The following NCOA3 variants were observed in gnomAD, a reference collection of about 807,000 sequenced individuals.
NCOA3 encodes CBP-interacting protein.
Under a neutral mutation model 158.8 loss-of-function variants are expected in NCOA3, and 51 were observed. That is an observed-to-expected ratio of 0.32 (90% CI 0.26 to 0.41). NCOA3 has a LOEUF of 0.41. Ranked by LOEUF, NCOA3 falls within the 10% of genes least tolerant of loss-of-function variation. The pLI, the probability that NCOA3 is intolerant of heterozygous loss-of-function variation, is 1.00. For synonymous variants in NCOA3, 537 were observed against 592.4 expected (o/e 0.91, Z 1.36); for missense variants, 1,510 against 1,746.6 (o/e 0.86, Z 2.41).
At chr20:47,567,170 C>T (rs867125458) in intron 1 of NCOA3, among the ~76,000 whole-genome samples, 53 of 151,842 alleles carry the variant, frequency 3.5e-4, no homozygotes, top group Middle Eastern at 6.9e-3. Context: ...GCCTCAGCCT[C>T]CCGAGTAGCT....
intron 1 of NCOA3, among the ~76,000 whole-genome samples, chr20:47,533,157 C>G (rs2084574544): frequency 6.8e-6 from 1 of 147,740 alleles, no homozygotes; most frequent in Non-Finnish European, 1.5e-5. Context: ...GTGGCAGGCA[C>G]CTCTGTAATC....
chr20:47,616,690 C>A (rs1430698019), intron 2 of NCOA3, among the ~76,000 whole-genome samples: 3 of 152,126 alleles, frequency 2.0e-5, no homozygotes. Context: ...AGAAGTTCTT[C>A]CTTCCAGTTC....
intron 19 of NCOA3, among the ~76,000 whole-genome samples, chr20:47,649,400 G>T (rs1021871874): frequency 1.3e-5 from 2 of 152,146 alleles, no homozygotes; most frequent in Non-Finnish European, 2.9e-5. Context: ...TCACTTGGCT[G>T]TTTAGGAATT....
At chr20:47,574,507 C>T (rs1211363728) in intron 1 of NCOA3, among the ~76,000 whole-genome samples, 34 of 148,770 alleles carry the variant, frequency 2.3e-4, no homozygotes, top group Non-Finnish European at 2.8e-4. Context: ...TTTTTTAGCA[C>T]AGAGGCATAG....
At chr20:47,618,851 C>A (rs139374799) in intron 2 of NCOA3, among the ~76,000 whole-genome samples, 101 of 152,330 alleles carry the variant, frequency 6.6e-4, no homozygotes, top group African/African-American at 2.3e-3. Context: ...CACAAATGAT[C>A]TGCATTTCTG....
intron 1 of NCOA3, among the ~76,000 whole-genome samples, chr20:47,572,079 A>T (rs1289252407): frequency 1.3e-5 from 2 of 152,120 alleles, no homozygotes; most frequent in African/African-American, 4.8e-5. Flanking sequence ...CTCATGAAGC[A>T]ACCTCTTCTA....
chr20:47,628,409 CTTT>C (rs72374784), intron 8 of NCOA3: 54 of 139,106 alleles, frequency 3.9e-4, no homozygotes, highest in South Asian at 1.5e-3. Context: ...GGAGTAATTC[CTTT>C]TTTTTTTTTT....
chr20:47,571,852 T>C (rs1301913068), intron 1 of NCOA3, among the ~76,000 whole-genome samples: 26 of 151,448 alleles, frequency 1.7e-4, no homozygotes, highest in Admixed American at 1.7e-3. Context: ...CTCAGCCTCC[T>C]GAGTAGCTGG....
intron 1 of NCOA3, among the ~76,000 whole-genome samples, chr20:47,526,136 G>T (rs2084442716): frequency 6.6e-6 from 1 of 150,510 alleles, no homozygotes; most frequent in Admixed American, 6.6e-5. Context: ...CGGCAGGGCA[G>T]AGGTGCTCCC....
At position 47,649,098 on chromosome 20, in the gene NCOA3, G is replaced by C. The variant is rs749286033; in HGVS notation, c.3640G>C (p.Val1214Leu). The C allele has an allele frequency of 1.9e-6, 3 of 1,612,752 alleles. No homozygotes were observed. Among genetic ancestry groups the C allele is most frequent in the Middle Eastern group, 1.7e-4 (1 of 6,026 alleles). ...GATGAGGCCTATGATGCAGCCCCAG[G>C]TGAGCTCCCAGGTGAGGATGATAAG... Reference protein sequence around the residue: ...AVMRPMMQPQVSSQQGFLNAQ... With the variant: ...AVMRPMMQPQLSSQQGFLNAQ... Residue 1214 changes from valine (V) to leucine (L), a missense_variant, in exon 19 of 23, where the codon GTG becomes CTG. Val to Leu is a conservative substitution (Grantham distance 32). Around this residue, in one of 4 missense-constraint regions of NCOA3, gnomAD observed 1,017 missense variants for 1,098.3 expected, o/e 0.93. Transcript: ENST00000371998.
intron 16 of NCOA3, among the ~76,000 whole-genome samples, chr20:47,640,544 G>A (rs1167163281): frequency 6.6e-6 from 1 of 152,100 alleles, no homozygotes; most frequent in African/African-American, 2.4e-5. Context: ...TTTCAGTGAT[G>A]ATAGTGAAAT....
chr20:47,639,839 C>G lies in NCOA3; in HGVS notation c.2953+17C>G, dbSNP rs370734465. ...TTCAAATGAGTAAGTGTCCACCCTC[C>G]CCTCTTCATGAAAAAAGAAAGTTAG... On this transcript the variant is annotated intron_variant, in intron 15 of 22. Transcript: ENST00000371998. 6.2e-7 allele frequency: 1 copy of G among 1,612,728 alleles called. No individual in the cohort carries two copies. Among genetic ancestry groups the G allele is most frequent in the Non-Finnish European group, 8.5e-7 (1 of 1,178,874 alleles).
intron 3 of NCOA3, chr20:47,622,949 T>A (rs182765670): frequency 6.6e-6 from 1 of 152,370 alleles, no homozygotes; most frequent in East Asian, 1.9e-4. Flanking sequence ...ACTTCTTTTG[T>A]GGATCTTCAG....
chr20:47,560,129 G>C (rs1023771196), intron 1 of NCOA3, among the ~76,000 whole-genome samples: 17 of 152,116 alleles, frequency 1.1e-4, no homozygotes, highest in Admixed American at 1.1e-3. Flanking sequence ...GCCCAGGCTA[G>C]AGTGCTGTGG....
chr20:47,582,389 T>C (rs1037133398), intron 1 of NCOA3, among the ~76,000 whole-genome samples: 5 of 152,158 alleles, frequency 3.3e-5, no homozygotes, highest in African/African-American at 1.2e-4. Flanking sequence ...TTTTTTGTAT[T>C]TTTAGTAGAT....
At chr20:47,555,862 T>A (rs1486316044) in intron 1 of NCOA3, among the ~76,000 whole-genome samples, 1 of 151,254 alleles carries the variant, frequency 6.6e-6, no homozygotes, top group African/African-American at 2.4e-5. Flanking sequence ...CAGGATGGTC[T>A]CGATCTCCTG....
chr20:47,621,119 C>A (rs6012225), intron 2 of NCOA3, among the ~76,000 whole-genome samples: 1 of 152,158 alleles, frequency 6.6e-6, no homozygotes, highest in African/African-American at 2.4e-5. Flanking sequence ...TTCCATTTTA[C>A]AACCAAAGTT....
At chr20:47,553,064 G>A (rs1160096582) in intron 1 of NCOA3, among the ~76,000 whole-genome samples, 1 of 151,948 alleles carries the variant, frequency 6.6e-6, no homozygotes, top group East Asian at 1.9e-4. Flanking sequence ...CTCCCGGGTA[G>A]CTGGGACTAC....
chr20:47,549,846 G>A (rs1046482538), intron 1 of NCOA3, among the ~76,000 whole-genome samples: 2 of 151,952 alleles, frequency 1.3e-5, no homozygotes, highest in Non-Finnish European at 2.9e-5. Context: ...GACTACAGGC[G>A]CACGCCACCA....
Sources: gnomAD v4.1 joint callset for allele counts (sites outside exome capture counted in the v4.1 genomes callset) on GRCh38, gnomAD v4.1.1 for gene constraint, gnomAD v4.1.1 regional missense constraint, MANE v1.5 for transcripts, NCBI Gene and HGNC (gene_info 2026-07-23, HGNC 2026-07-21) for gene names.